UBE2N: variants seen among roughly 807,000 people sequenced by gnomAD.
The protein encoded by UBE2N is ubiquitin conjugating enzyme E2 N.
For synonymous variants in UBE2N, 70 were observed against 69.2 expected (o/e 1.01, Z -0.06); for missense variants, 60 against 192.1 (o/e 0.31, Z 4.07).
At chr12:93,416,813 G>A (rs1231410464) in intron 1 of UBE2N, among the ~76,000 whole-genome samples, 2 of 139,212 alleles carry the variant, frequency 1.4e-5, no homozygotes, top group Non-Finnish European at 3.0e-5. Flanking sequence ...GAGGCTAGGA[G>A]TTCCAGACCA....
At chr12:93,438,766 T>C (rs1485294766) in intron 1 of UBE2N, among the ~76,000 whole-genome samples, 4 of 152,146 alleles carry the variant, frequency 2.6e-5, no homozygotes, top group Non-Finnish European at 5.9e-5. Context: ...AAGTGTCTGA[T>C]TTAGTACATA....
intron 1 of UBE2N, among the ~76,000 whole-genome samples, chr12:93,432,404 C>T (rs932681035): frequency 1.3e-4 from 19 of 151,362 alleles, no homozygotes; most frequent in Non-Finnish European, 1.0e-4. Flanking sequence ...GCCTTGGGAT[C>T]GGCCTATGTT....
At chr12:93,422,558 T>C (rs1449779349) in intron 1 of UBE2N, among the ~76,000 whole-genome samples, 5 of 152,156 alleles carry the variant, frequency 3.3e-5, no homozygotes, top group Admixed American at 6.5e-5. Context: ...GTAGGTGAGG[T>C]AGGAAATGTT....
chr12:93,434,053 G>C (rs1383022638), intron 1 of UBE2N, among the ~76,000 whole-genome samples: 1 of 152,214 alleles, frequency 6.6e-6, no homozygotes, highest in Non-Finnish European at 1.5e-5. Flanking sequence ...AGCACTTTAG[G>C]AGGCCGAGGT....
chr12:93,435,579 T>C (rs1176796630), intron 1 of UBE2N, among the ~76,000 whole-genome samples: 1 of 152,214 alleles, frequency 6.6e-6, no homozygotes, highest in Non-Finnish European at 1.5e-5. Flanking sequence ...TAAGCCGAGA[T>C]TGTGCCATTG....
At chr12:93,417,292 C>G (rs915427844) in intron 1 of UBE2N, among the ~76,000 whole-genome samples, 1 of 152,224 alleles carries the variant, frequency 6.6e-6, no homozygotes, top group Non-Finnish European at 1.5e-5. Flanking sequence ...TAGACTCACA[C>G]TACTGTAAAC....
chr12:93,426,902 T>TA (rs1159921680), intron 1 of UBE2N, among the ~76,000 whole-genome samples: 1 of 151,950 alleles, frequency 6.6e-6, no homozygotes, highest in Non-Finnish European at 1.5e-5. Flanking sequence ...CGGCTATCAT[T>TA]AGTGTTAGTG....
chr12:93,426,965 A>G (rs1592747728), intron 1 of UBE2N, among the ~76,000 whole-genome samples: 1 of 150,928 alleles, frequency 6.6e-6, no homozygotes, highest in Non-Finnish European at 1.5e-5. Flanking sequence ...TGTCGCCCAG[A>G]CTGGAGTGCA....
At position 93,430,893 on chromosome 12, in the gene UBE2N, G is replaced by A. The variant is rs535557784; in HGVS notation, c.30+10962C>T. Among the ~76,000 whole-genome samples, 3 of 150,262 alleles carry A rather than the reference G, an allele frequency of 2.0e-5. No homozygotes were observed. The South Asian group carries it at 6.3e-4, about 31-fold the overall frequency. Reference sequence around the variant, plus strand: ...ACTCGGGATGCTGAGGCTGCAGTGAGCCATGATCATGCCTGGGCAACACAG... The same window carrying A: ...ACTCGGGATGCTGAGGCTGCAGTGAACCATGATCATGCCTGGGCAACACAG... On this transcript the variant is annotated intron_variant, in intron 1 of 3. Transcript: ENST00000318066.
rs1268518858 is a variant in UBE2N, at chr12:93,406,432, AAAC to A, written c.*3604_*3606del. The A allele has an allele frequency of 6.6e-6, 1 of 152,132 alleles. No individual in the cohort carries two copies. The highest frequency in any genetic ancestry group is 1.9e-4 in the East Asian group (1 of 5,204). The allele number at this position is 152,132 out of a possible 1,614,324, so 9.4% of individuals were successfully genotyped here. A position where few individuals can be genotyped will look rare whatever the true frequency, so the allele number is the denominator to read the frequency against. ...CAGATTTCCTTCCCCATTCTCCATC[AAAC>A]AACCATAGCACCTGTGACTTTTATC... On this transcript the variant is annotated 3_prime_UTR_variant, in exon 4 of 4. Transcript: ENST00000318066.
intron 1 of UBE2N, among the ~76,000 whole-genome samples, chr12:93,430,965 A>C (rs979451243): frequency 1.2e-4 from 18 of 151,332 alleles, no homozygotes; most frequent in East Asian, 1.9e-4. Flanking sequence ...GCAGTGGCTC[A>C]TGCCTGTAAT....
At position 93,406,618 on chromosome 12, in the gene UBE2N, TTG is replaced by T. The variant is rs558887900; in HGVS notation, c.*3419_*3420del. 1.2e-3 allele frequency: 190 copies of T among 152,400 alleles called. No individual in the cohort carries two copies. Among genetic ancestry groups the T allele is most frequent in the African/African-American group, 4.4e-3 (183 of 41,594 alleles). 9.4% of individuals were successfully genotyped at this position (152,400 alleles called of 1,614,324 possible). The stretch of plus-strand genomic sequence containing the variant: ...ACCAGACAAAATATTCCAAAAAACA[TTG>T]TGTCTGTAGTCAACATGTATATTTT... On this transcript the variant is annotated 3_prime_UTR_variant, in exon 4 of 4. Coordinates refer to ENST00000318066, the MANE Select transcript of UBE2N (RefSeq NM_003348.4).
chr12:93,432,528 T>C (rs1292123693), intron 1 of UBE2N, among the ~76,000 whole-genome samples: 1 of 151,226 alleles, frequency 6.6e-6, no homozygotes, highest in African/African-American at 2.4e-5. Context: ...TTCCCGAGTA[T>C]AAGCTATAAT....
At chr12:93,424,644 G>A (rs930492357) in intron 1 of UBE2N, among the ~76,000 whole-genome samples, 1 of 152,182 alleles carries the variant, frequency 6.6e-6, no homozygotes, top group Non-Finnish European at 1.5e-5. Context: ...CTTCAGGAGA[G>A]GACCATTCGT....
rs529971319 is a variant in UBE2N at position 93,407,682 on chromosome 12, A to G, written c.*2357T>C. ...TCTGGATTTTCATGCAAATCTCCCA[A>G]TTTTTAAAAATGTTGGCATCAAATT... On this transcript the variant is annotated 3_prime_UTR_variant, in exon 4 of 4. Coordinates refer to ENST00000318066, the MANE Select transcript of UBE2N (RefSeq NM_003348.4). 1 of 152,312 alleles carries G rather than the reference A, an allele frequency of 6.6e-6. No homozygotes were observed. Among genetic ancestry groups the G allele is most frequent in the Admixed American group, 6.5e-5 (1 of 15,294 alleles). The allele number at this position is 152,312 out of a possible 1,614,324, so 9.4% of individuals were successfully genotyped here.
At chr12:93,429,744 ATGTG>A (rs987706299) in intron 1 of UBE2N, among the ~76,000 whole-genome samples, 2 of 152,050 alleles carry the variant, frequency 1.3e-5, no homozygotes, top group African/African-American at 4.8e-5. Flanking sequence ...TAGGCCTAAT[ATGTG>A]TGTGTATGTC....
intron 1 of UBE2N, among the ~76,000 whole-genome samples, chr12:93,424,663 C>T (rs1427072927): frequency 6.6e-6 from 1 of 152,162 alleles, no homozygotes; most frequent in Non-Finnish European, 1.5e-5. Context: ...GTATGACAGT[C>T]TGCATAAATG....
intron 1 of UBE2N, among the ~76,000 whole-genome samples, chr12:93,420,697 T>C (rs1314997861): frequency 6.6e-6 from 1 of 152,144 alleles, no homozygotes; most frequent in Non-Finnish European, 1.5e-5. Context: ...ATTGGTAAAT[T>C]CCATCTCAGG....
intron 1 of UBE2N, among the ~76,000 whole-genome samples, chr12:93,438,821 G>A (rs1290230291): frequency 6.6e-6 from 1 of 152,170 alleles, no homozygotes; most frequent in Non-Finnish European, 1.5e-5. Context: ...ATTAGATACA[G>A]GAATCTAAAT....
Sources: allele counts gnomAD v4.1 joint callset (sites outside exome capture counted in the v4.1 genomes callset), GRCh38; gene constraint gnomAD v4.1.1; transcripts MANE v1.5; gene names NCBI Gene and HGNC (gene_info 2026-07-23, HGNC 2026-07-21).